Variants in TMCC1 observed in about 807,000 individuals in gnomAD.
TMCC1 encodes the protein transmembrane and coiled-coil domain family 1, also known as transmembrane and coiled-coil domains protein 1.
In TMCC1, 15 loss-of-function variants were observed where a neutral mutation model predicts 52.4. That is an observed-to-expected ratio of 0.29 (90% CI 0.19 to 0.44). The LOEUF is 0.44. TMCC1 is among the 20% of genes least tolerant of loss of function. The pLI is 1.00. For missense variants in TMCC1, 503 were observed against 806.0 expected (o/e 0.62, Z 4.55); for synonymous variants, 279 against 301.9 (o/e 0.92, Z 0.79).
At chr3:129,742,075 T>C (rs1429662437) in intron 4 of TMCC1, among the ~76,000 whole-genome samples, 2 of 152,122 alleles carry the variant, frequency 1.3e-5, no homozygotes, top group African/African-American at 4.8e-5. Context: ...GACCTAAATC[T>C]AAAACTCTCG....
intron 6 of TMCC1, among the ~76,000 whole-genome samples, chr3:129,654,286 T>G (rs181905710): frequency 4.5e-4 from 68 of 152,096 alleles, no homozygotes; most frequent in Non-Finnish European, 8.4e-4. Flanking sequence ...TAGGAAAAAA[T>G]AATTAAAACA....
At chr3:129,819,302 C>G (rs1157165391) in intron 4 of TMCC1, among the ~76,000 whole-genome samples, 1 of 151,584 alleles carries the variant, frequency 6.6e-6, no homozygotes, top group Non-Finnish European at 1.5e-5. Context: ...AGGCTGGTCT[C>G]GAACTCCTGA....
chr3:129,736,571 G>C (rs1327252771), intron 4 of TMCC1, among the ~76,000 whole-genome samples: 1 of 150,780 alleles, frequency 6.6e-6, no homozygotes, highest in South Asian at 2.1e-4. Context: ...GCCCAGGCTG[G>C]AATGCAATGG....
At chr3:129,750,242 G>A (rs776165557) in intron 4 of TMCC1, among the ~76,000 whole-genome samples, 4 of 152,150 alleles carry the variant, frequency 2.6e-5, no homozygotes, top group Non-Finnish European at 5.9e-5. Flanking sequence ...CCAGGCTGGA[G>A]TGCAGTGGCG....
chr3:129,797,174 A>C (rs1484799979), intron 4 of TMCC1, among the ~76,000 whole-genome samples: 1 of 152,094 alleles, frequency 6.6e-6, no homozygotes, highest in African/African-American at 2.4e-5. Flanking sequence ...AAAATACAAA[A>C]AATTAGCTGG....
intron 4 of TMCC1, among the ~76,000 whole-genome samples, chr3:129,730,521 C>T (rs1457642917): frequency 6.6e-6 from 1 of 152,138 alleles, no homozygotes; most frequent in African/African-American, 2.4e-5. Flanking sequence ...TACATGTGTA[C>T]CCTTTTACTA....
chr3:129,691,160 G>A (rs1011079476), intron 4 of TMCC1, among the ~76,000 whole-genome samples: 10 of 152,248 alleles, frequency 6.6e-5, no homozygotes, highest in African/African-American at 2.4e-4. Flanking sequence ...CTACAGAAGA[G>A]TGATAGATAT....
chr3:129,666,834 G>GT (rs2087496871), intron 5 of TMCC1, among the ~76,000 whole-genome samples: 2 of 152,098 alleles, frequency 1.3e-5, no homozygotes, highest in African/African-American at 4.8e-5. Context: ...GGAGGCTGAG[G>GT]TGGAAGCACT....
At chr3:129,866,674 A>C (rs1182105691) in intron 2 of TMCC1, among the ~76,000 whole-genome samples, 1 of 151,842 alleles carries the variant, frequency 6.6e-6, no homozygotes, top group East Asian at 1.9e-4. Context: ...ACCACTTCTG[A>C]CCATATTTTA....
At chr3:129,760,022 A>C (rs2053395027) in intron 4 of TMCC1, among the ~76,000 whole-genome samples, 1 of 151,576 alleles carries the variant, frequency 6.6e-6, no homozygotes, top group Admixed American at 6.6e-5. Context: ...CACCCGGCCC[A>C]AAAAAATTTT....
chr3:129,886,245 T>G (rs2061693762), intron 1 of TMCC1, among the ~76,000 whole-genome samples: 1 of 152,190 alleles, frequency 6.6e-6, no homozygotes, highest in Non-Finnish European at 1.5e-5. Flanking sequence ...AATTCTTTAT[T>G]CTATAAAGAC....
rs183227188 is a variant in TMCC1 at position 129,828,682 on chromosome 3, A to T, written c.-130-174T>A. Among the ~76,000 whole-genome samples, 2 of 152,342 alleles carry T rather than the reference A, an allele frequency of 1.3e-5. No individual in the cohort carries two copies. The highest frequency in any genetic ancestry group is 3.9e-4 in the East Asian group (2 of 5,188). ...AAAGACAGTTTTCTAGATAGTGGGT[A>T]ATGATTATTTTTTAGAATGAGAGAA... On this transcript the variant is annotated intron_variant, in intron 3 of 6. Coordinates refer to ENST00000393238, the MANE Select transcript of TMCC1 (RefSeq NM_001017395.5). The surrounding 1 kb of genome is among the most constrained non-coding windows in gnomAD (Gnocchi z 4.1).
intron 4 of TMCC1, among the ~76,000 whole-genome samples, chr3:129,770,333 T>C (rs1010046966): frequency 2.6e-5 from 4 of 152,048 alleles, no homozygotes; most frequent in African/African-American, 4.8e-5. Flanking sequence ...CTGGCCAACA[T>C]AGTGAGACCC....
chr3:129,711,056 G>A (rs1030108251), intron 4 of TMCC1, among the ~76,000 whole-genome samples: 2 of 152,038 alleles, frequency 1.3e-5, no homozygotes, highest in African/African-American at 2.4e-5. Flanking sequence ...TAGAGACAAC[G>A]TTTTACCATG....
intron 1 of TMCC1, among the ~76,000 whole-genome samples, chr3:129,882,368 G>C (rs1460089139): frequency 1.3e-5 from 2 of 151,266 alleles, no homozygotes; most frequent in Non-Finnish European, 2.9e-5. Flanking sequence ...AAAACAACAA[G>C]TGCTGGCAAG....
Position 129,789,661 on chromosome 3 carries a change from T to C in TMCC1, c.576+38142A>G, listed in dbSNP as rs566767425. ...ATGCCCGGCTAATTTTTTGTATTTT[T>C]AGTAGAGACGGGGTTTCACCGTGTT... On this transcript the variant is annotated intron_variant, in intron 4 of 6. Transcript: ENST00000393238. Among the ~76,000 whole-genome samples the C allele has an allele frequency of 3.3e-5, 5 of 152,318 alleles. No individual in the cohort carries two copies. The South Asian group carries it at 6.2e-4, about 19-fold the overall frequency.
At chr3:129,792,201 T>TATATATATACATATATATATAC (rs2056521090) in intron 4 of TMCC1, among the ~76,000 whole-genome samples, 1 of 150,204 alleles carries the variant, frequency 6.7e-6, no homozygotes, top group Non-Finnish European at 1.5e-5. Context: ...TATATATATA[T>TATATATATACATATATATATAC]ACACATATAT....
At chr3:129,883,730 A>C (rs1206435556) in intron 1 of TMCC1, among the ~76,000 whole-genome samples, 2 of 152,138 alleles carry the variant, frequency 1.3e-5, no homozygotes, top group African/African-American at 4.8e-5. Context: ...TGTAATCCCA[A>C]CACTTTGGGA....
intron 1 of TMCC1, among the ~76,000 whole-genome samples, chr3:129,886,721 C>T (rs1244071003): frequency 6.6e-6 from 1 of 151,536 alleles, no homozygotes; most frequent in African/African-American, 2.4e-5. Flanking sequence ...GGACCAATCA[C>T]TTGAGGTCAG....
Sources: gnomAD v4.1 joint callset for allele counts (sites outside exome capture counted in the v4.1 genomes callset) on GRCh38, gnomAD v4.1.1 for gene constraint, Gnocchi (gnomAD v3.1) non-coding constraint, MANE v1.5 for transcripts, NCBI Gene and HGNC (gene_info 2026-07-23, HGNC 2026-07-21) for gene names.